ANKS1B: variants seen among roughly 807,000 people sequenced by gnomAD.
ANKS1B encodes the protein ankyrin repeat and sterile alpha motif domain containing 1B.
ANKS1B carries 36 observed loss-of-function variants against 148.3 expected under a neutral mutation model. The observed-to-expected ratio is 0.24, with a 90% CI of 0.19 to 0.32. The LOEUF (loss-of-function observed/expected upper bound fraction) is 0.32. Among genes scored for constraint, ANKS1B ranks in the 10% least tolerant of loss-of-function variants. The pLI, the probability that ANKS1B is intolerant of heterozygous loss-of-function variation, is 1.00. For synonymous variants in ANKS1B, 542 were observed against 560.8 expected (o/e 0.97, Z 0.47); for missense variants, 1,157 against 1,542.6 (o/e 0.75, Z 4.19).
At chr12:98,849,234 T>A (rs1025253429) in intron 17 of ANKS1B, among the ~76,000 whole-genome samples, 2 of 152,074 alleles carry the variant, frequency 1.3e-5, no homozygotes, top group Admixed American at 6.6e-5. Context: ...AGCATTTCTT[T>A]TTTTTTTTTA....
At chr12:99,656,753 T>A (rs939353390) in intron 8 of ANKS1B, among the ~76,000 whole-genome samples, 3 of 150,972 alleles carry the variant, frequency 2.0e-5, no homozygotes, top group Non-Finnish European at 3.0e-5. Flanking sequence ...AGACTCAATT[T>A]AAAAAAAAAG....
intron 17 of ANKS1B, among the ~76,000 whole-genome samples, chr12:98,911,956 G>T (rs2099787444): frequency 6.6e-6 from 1 of 152,098 alleles, no homozygotes; most frequent in Non-Finnish European, 1.5e-5. Flanking sequence ...GGGACTCTCT[G>T]CCCTTAGCAT....
At chr12:99,369,051 C>A (rs561537969) in intron 12 of ANKS1B, among the ~76,000 whole-genome samples, 1 of 152,254 alleles carries the variant, frequency 6.6e-6, no homozygotes, top group Non-Finnish European at 1.5e-5. Context: ...CCCAACAGTT[C>A]ATTTACCCCA....
chr12:98,852,005 A>G (rs2099530100), intron 17 of ANKS1B, among the ~76,000 whole-genome samples: 1 of 138,266 alleles, frequency 7.2e-6, no homozygotes, highest in African/African-American at 2.8e-5. Flanking sequence ...GCCTGGTGAC[A>G]GAGCGAGACT....
chr12:99,297,966 T>C (rs2081117810), intron 12 of ANKS1B, among the ~76,000 whole-genome samples: 1 of 152,056 alleles, frequency 6.6e-6, no homozygotes, highest in Admixed American at 6.6e-5. Flanking sequence ...GACATTAACA[T>C]GTAAGGGGTG....
chr12:99,194,193 C>A (rs552824408), intron 14 of ANKS1B, among the ~76,000 whole-genome samples: 2 of 152,082 alleles, frequency 1.3e-5, no homozygotes, highest in Admixed American at 1.3e-4. Context: ...TATTTACACC[C>A]ATTTGAAGAC....
intron 12 of ANKS1B, among the ~76,000 whole-genome samples, chr12:99,346,729 T>C (rs2090744419): frequency 6.6e-6 from 1 of 151,928 alleles, no homozygotes; most frequent in Non-Finnish European, 1.5e-5. Context: ...ATGGGGCAGA[T>C]TTCCCCTTTG....
chr12:98,988,357 TTATC>T (rs1422900912), intron 17 of ANKS1B, among the ~76,000 whole-genome samples: 1 of 152,042 alleles, frequency 6.6e-6, no homozygotes, highest in African/African-American at 2.4e-5. Flanking sequence ...CATGCAGTAT[TTATC>T]TTTCTGTGCC....
intron 1 of ANKS1B, among the ~76,000 whole-genome samples, chr12:99,859,246 A>G (rs968215354): frequency 6.6e-6 from 1 of 152,220 alleles, no homozygotes; most frequent in Non-Finnish European, 1.5e-5. Context: ...TTGCAGAGTT[A>G]TATGTGAGTA....
intron 9 of ANKS1B, among the ~76,000 whole-genome samples, chr12:99,541,341 C>T (rs577545691): frequency 8.1e-4 from 124 of 152,234 alleles, no homozygotes; most frequent in African/African-American, 2.7e-3. Context: ...GAAAAGTAGA[C>T]ATCAACATCC....
Position 99,849,725 on chromosome 12 carries a change from A to G in ANKS1B, c.135-24336T>C, listed in dbSNP as rs374322440. 1.4e-4 allele frequency among the ~76,000 whole-genome samples: 21 copies of G among 152,258 alleles called. No homozygotes were observed. In the South Asian group the frequency reaches 4.1e-3, roughly 30 times the overall value. Reference sequence around the variant, plus strand: ...TGTCTTACAAACATAAAATTGAACAAAAGAAGTCATATAGAAAATAACACA... The same window carrying G: ...TGTCTTACAAACATAAAATTGAACAGAAGAAGTCATATAGAAAATAACACA... On this transcript the variant is annotated intron_variant, in intron 1 of 26. Transcript: ENST00000683438.
intron 1 of ANKS1B, among the ~76,000 whole-genome samples, chr12:99,940,433 G>A (rs957031144): frequency 6.6e-6 from 1 of 152,050 alleles, no homozygotes; most frequent in African/African-American, 2.4e-5. Flanking sequence ...GGGGGTTTCA[G>A]GGGGAAAAAA....
intron 9 of ANKS1B, among the ~76,000 whole-genome samples, chr12:99,578,812 T>C: frequency 6.6e-6 from 1 of 152,148 alleles, no homozygotes; most frequent in Non-Finnish European, 1.5e-5. Flanking sequence ...CCTGTGAAAC[T>C]ACCAACATCA....
In ANKS1B at chr12:99,779,889, T is replaced by A; in HGVS notation, c.829A>T (p.Ile277Phe). 1 of 1,612,918 alleles carries A rather than the reference T, an allele frequency of 6.2e-7. No homozygotes were observed. Among genetic ancestry groups the A allele is most frequent in the Non-Finnish European group, 8.5e-7 (1 of 1,179,274 alleles). Reference protein sequence around the residue: ...KEHPSQKSLQIATLLQEYLEG... With the variant: ...KEHPSQKSLQFATLLQEYLEG... Reference sequence around the variant, plus strand: ...TGTTTACCTTGTAAGAGTGTTGCAATCTGGAGAGATTTCTGAGATGGATGT... The same window carrying A: ...TGTTTACCTTGTAAGAGTGTTGCAAACTGGAGAGATTTCTGAGATGGATGT... Residue 277 changes from isoleucine to phenylalanine, a missense_variant, in exon 6 of 27, where the codon ATT (isoleucine) becomes TTT (phenylalanine). Physicochemically the swap from Ile to Phe is conservative, Grantham distance 21. Transcript: ENST00000683438.
At chr12:98,821,543 T>C (rs2099191618) in intron 19 of ANKS1B, among the ~76,000 whole-genome samples, 1 of 152,174 alleles carries the variant, frequency 6.6e-6, no homozygotes, top group African/African-American at 2.4e-5. Flanking sequence ...CACACCCCTT[T>C]GCAATTAGCT....
At chr12:99,512,079 A>G (rs1367276353) in intron 9 of ANKS1B, among the ~76,000 whole-genome samples, 2 of 152,120 alleles carry the variant, frequency 1.3e-5, no homozygotes, top group African/African-American at 4.8e-5. Context: ...TAATTAAATT[A>G]AAAAGCTTCT....
intron 12 of ANKS1B, among the ~76,000 whole-genome samples, chr12:99,393,957 C>T (rs970638461): frequency 6.6e-6 from 1 of 152,164 alleles, no homozygotes; most frequent in Non-Finnish European, 1.5e-5. Flanking sequence ...TTCAACTCTC[C>T]AAATACTCTG....
chr12:99,754,600 A>C (rs1049755776), intron 8 of ANKS1B, among the ~76,000 whole-genome samples: 3 of 152,208 alleles, frequency 2.0e-5, no homozygotes, highest in Non-Finnish European at 2.9e-5. Flanking sequence ...ATTTAAAGTA[A>C]AACACACCTT....
chr12:99,583,008 C>T (rs12305468), intron 9 of ANKS1B, among the ~76,000 whole-genome samples: 4 of 152,056 alleles, frequency 2.6e-5, no homozygotes, highest in Admixed American at 6.6e-5. Flanking sequence ...GTAGGAACAC[C>T]TCTAAATCTA....
Sources: gnomAD v4.1 joint callset for allele counts (sites outside exome capture counted in the v4.1 genomes callset) on GRCh38, gnomAD v4.1.1 for gene constraint, MANE v1.5 for transcripts, NCBI Gene and HGNC (gene_info 2026-07-23, HGNC 2026-07-21) for gene names.